Variants in ADAMTS12 observed in about 807,000 individuals in gnomAD.
ADAMTS12 encodes ADAM metallopeptidase with thrombospondin type 1 motif 12, also known as A disintegrin and metalloproteinase with thrombospondin motifs 12.
A neutral mutation model predicts 167.8 loss-of-function variants in ADAMTS12; 118 were observed. The observed-to-expected ratio is 0.70, with a 90% CI of 0.61 to 0.82. The LOEUF (loss-of-function observed/expected upper bound fraction) is 0.82, where lower values mean the gene tolerates loss of function less well. Ranked by LOEUF, ADAMTS12 falls within the 40% of genes least tolerant of loss-of-function variation. The pLI, the probability that ADAMTS12 is intolerant of heterozygous loss-of-function variation, is 0.00. For missense variants in ADAMTS12, 1,916 were observed against 1,998.8 expected (o/e 0.96, Z 0.79); for synonymous variants, 704 against 716.9 (o/e 0.98, Z 0.29).
Position 33,576,731 on chromosome 5 carries a change from T to C in ADAMTS12, c.3295A>G (p.Ile1099Val), listed in dbSNP as rs1746747293. Reference protein sequence around the residue: ...QPILTSQSLSIQPSEENVSSS... With the variant: ...QPILTSQSLSVQPSEENVSSS... ...GAAACATTTTCCTCACTTGGCTGAA[T>C]GCTCAAGGATTGGGAAGTGAGGATG... is the stretch of plus-strand genomic sequence containing the variant. Residue 1099 changes from isoleucine (I) to valine (V), a missense_variant, in exon 19 of 24, where the codon ATT becomes GTT. Ile to Val is a conservative substitution (Grantham distance 29, BLOSUM62 3). Coordinates refer to ENST00000504830, the MANE Select transcript of ADAMTS12 (RefSeq NM_030955.4). 1.2e-6 allele frequency: 2 copies of C among 1,614,198 alleles called. No homozygotes were observed. Among genetic ancestry groups the C allele is most frequent in the Non-Finnish European group, 1.7e-6 (2 of 1,180,030 alleles).
chr5:33,887,788 G>T (rs1202100786), intron 1 of ADAMTS12, among the ~76,000 whole-genome samples: 2 of 150,518 alleles, frequency 1.3e-5, no homozygotes, highest in African/African-American at 4.9e-5. Flanking sequence ...GTCCTGCTCT[G>T]TTGCCCAGGC....
At chr5:33,553,069 C>T (rs549032303) in intron 20 of ADAMTS12, among the ~76,000 whole-genome samples, 7 of 152,170 alleles carry the variant, frequency 4.6e-5, no homozygotes, top group African/African-American at 1.7e-4. Flanking sequence ...TGAACAGACA[C>T]TTTTCAAAAA....
chr5:33,752,922 A>C (rs1745042381), intron 2 of ADAMTS12, among the ~76,000 whole-genome samples: 1 of 152,242 alleles, frequency 6.6e-6, no homozygotes, highest in Non-Finnish European at 1.5e-5. Flanking sequence ...GCTTCACTGT[A>C]GCCAGTAATG....
At chr5:33,730,052 AG>A (rs1405383772) in intron 3 of ADAMTS12, among the ~76,000 whole-genome samples, 2 of 152,244 alleles carry the variant, frequency 1.3e-5, no homozygotes, top group African/African-American at 2.4e-5. Context: ...ATACATTAGA[AG>A]GCTTCTTTCT....
intron 16 of ADAMTS12, among the ~76,000 whole-genome samples, chr5:33,604,418 T>C (rs1463517172): frequency 6.6e-6 from 1 of 151,744 alleles, no homozygotes; most frequent in Non-Finnish European, 1.5e-5. Context: ...GGAGAATCAC[T>C]TGAACCTGGG....
At chr5:33,713,604 C>A (rs1203800483) in intron 3 of ADAMTS12, among the ~76,000 whole-genome samples, 1 of 151,706 alleles carries the variant, frequency 6.6e-6, no homozygotes, top group African/African-American at 2.4e-5. Flanking sequence ...CAAATAAAGA[C>A]AGGATGGCCA....
In ADAMTS12 at chr5:33,661,998, T is replaced by C; in HGVS notation, c.958A>G (p.Ser320Gly). The change falls in exon 6 of 24, where the codon AGC (serine) becomes GGC (glycine). Residue 320 changes from serine (S) to glycine (G), a missense_variant. Physicochemically the swap from Ser to Gly is moderately conservative, Grantham distance 56 (BLOSUM62 0). Coordinates refer to ENST00000504830, the MANE Select transcript of ADAMTS12 (RefSeq NM_030955.4). ...ATACTCTTCTGCCACTTGCAGAAGC[T>C]AGACAGTGTCTTTTCTGCATGGTGA... ...IVHHAEKTLSSFCKWQKSINP... is the reference protein window; with the variant it reads ...IVHHAEKTLSGFCKWQKSINP... 7 of 1,612,888 alleles carry C rather than the reference T, an allele frequency of 4.3e-6. No individual in the cohort carries two copies. The highest frequency in any genetic ancestry group is 2.2e-5 in the East Asian group (1 of 44,878).
intron 5 of ADAMTS12, among the ~76,000 whole-genome samples, chr5:33,669,552 G>A (rs1277767371): frequency 1.3e-5 from 2 of 152,088 alleles, no homozygotes; most frequent in South Asian, 2.1e-4. Flanking sequence ...CACTATATTT[G>A]CACTCTATAA....
At chr5:33,541,861 C>T (rs908534421) in intron 22 of ADAMTS12, among the ~76,000 whole-genome samples, 5 of 152,174 alleles carry the variant, frequency 3.3e-5, no homozygotes, top group African/African-American at 9.7e-5. Context: ...AAAGCAACAA[C>T]CGGTACCAGC....
At chr5:33,872,090 T>C (rs574359545) in intron 2 of ADAMTS12, among the ~76,000 whole-genome samples, 1 of 152,226 alleles carries the variant, frequency 6.6e-6, no homozygotes, top group East Asian at 1.9e-4. Context: ...AGAAAAATCA[T>C]CAGGCCCAGA....
intron 18 of ADAMTS12, among the ~76,000 whole-genome samples, chr5:33,587,778 G>A (rs1338984624): frequency 6.6e-6 from 1 of 152,198 alleles, no homozygotes; most frequent in Admixed American, 6.5e-5. Context: ...GCTTCTCAAG[G>A]AAGCTCGTAA....
chr5:33,777,102 A>C (rs904559045), intron 2 of ADAMTS12, among the ~76,000 whole-genome samples: 2 of 152,160 alleles, frequency 1.3e-5, no homozygotes, highest in African/African-American at 4.8e-5. Flanking sequence ...ACATTTAAAG[A>C]GAAATTAACA....
At chr5:33,761,780 A>G (rs1745364855) in intron 2 of ADAMTS12, among the ~76,000 whole-genome samples, 1 of 152,210 alleles carries the variant, frequency 6.6e-6, no homozygotes, top group Non-Finnish European at 1.5e-5. Flanking sequence ...TAACTGTAGT[A>G]TTTTTTGGCT....
chr5:33,556,867 G>A (rs760355418), intron 20 of ADAMTS12, among the ~76,000 whole-genome samples: 2 of 152,156 alleles, frequency 1.3e-5, no homozygotes, highest in African/African-American at 2.4e-5. Context: ...CAGATGGGGC[G>A]GACAGTGTGA....
At chr5:33,732,818 A>G (rs1744239023) in intron 3 of ADAMTS12, among the ~76,000 whole-genome samples, 1 of 152,140 alleles carries the variant, frequency 6.6e-6, no homozygotes, top group Non-Finnish European at 1.5e-5. Flanking sequence ...AATCACACAG[A>G]GTTTTATAAT....
At chr5:33,886,143 A>C (rs961593029) in intron 1 of ADAMTS12, among the ~76,000 whole-genome samples, 1 of 152,238 alleles carries the variant, frequency 6.6e-6, no homozygotes, top group Non-Finnish European at 1.5e-5. Flanking sequence ...GAAAGTATAA[A>C]GTGAAAGACT....
chr5:33,668,505 AT>A lies in ADAMTS12; in HGVS notation c.916-6466del, dbSNP rs199711890. 8.0e-5 allele frequency among the ~76,000 whole-genome samples: 12 copies of A among 150,718 alleles called. 1 individual carries two copies. Among genetic ancestry groups the A allele is most frequent in the East Asian group, 3.9e-4 (2 of 5,150 alleles). On this transcript the variant is annotated intron_variant, in intron 5 of 23. Transcript: ENST00000504830. ...TTACAGTTAAATCTGCTTTGGAGGA[AT>A]TTTTTTTTTCTTTATGAGGCAGGGT...
At chr5:33,610,455 A>G (rs772324758) in intron 16 of ADAMTS12, among the ~76,000 whole-genome samples, 8 of 152,196 alleles carry the variant, frequency 5.3e-5, no homozygotes, top group Non-Finnish European at 1.2e-4. Flanking sequence ...TCGAGCAGGT[A>G]GTAGACACAT....
At chr5:33,705,818 T>C (rs767408777) in intron 3 of ADAMTS12, among the ~76,000 whole-genome samples, 5 of 149,414 alleles carry the variant, frequency 3.3e-5, no homozygotes, top group African/African-American at 2.6e-5. Context: ...CAAAAAATAA[T>C]AACAATAATA....
Sources: allele counts gnomAD v4.1 joint callset (sites outside exome capture counted in the v4.1 genomes callset), GRCh38; gene constraint gnomAD v4.1.1; transcripts MANE v1.5; gene names NCBI Gene and HGNC (gene_info 2026-07-23, HGNC 2026-07-21).